The following BRD10 variants were observed in gnomAD, a reference collection of about 807,000 sequenced individuals.
BRD10 encodes the protein uncharacterized bromodomain-containing protein 10.
the BRD10 span, among the ~76,000 whole-genome samples, chr9:6,005,482 G>A: frequency 3.9e-5 from 6 of 152,208 alleles, no homozygotes; most frequent in Non-Finnish European, 7.3e-5. Context: ...TCCAGCCTGG[G>A]CTACAGAGGG....
the BRD10 span, among the ~76,000 whole-genome samples, chr9:5,957,099 T>C: frequency 7.2e-5 from 11 of 152,236 alleles, no homozygotes; most frequent in African/African-American, 2.6e-4. Context: ...CATGACCTAG[T>C]AGTGGTAGTA....
chr9:5,918,568 G>A, the BRD10 span, among the ~76,000 whole-genome samples: 1 of 151,512 alleles, frequency 6.6e-6, no homozygotes, highest in Non-Finnish European at 1.5e-5. Flanking sequence ...AAAAAATTAG[G>A]CATGGTGGCC....
chr9:5,993,086 C>A, the BRD10 span, among the ~76,000 whole-genome samples: 3 of 151,966 alleles, frequency 2.0e-5, no homozygotes, highest in Non-Finnish European at 2.9e-5. Context: ...GAGGCCAAGG[C>A]GGGTGGATCA....
the BRD10 span, among the ~76,000 whole-genome samples, chr9:5,960,196 A>G: frequency 7.2e-5 from 11 of 152,154 alleles, no homozygotes; most frequent in Admixed American, 2.0e-4. Flanking sequence ...TTCACCTATA[A>G]GAGAATAAGA....
chr9:5,968,348 T>C, the BRD10 span: 1 of 1,610,458 alleles, frequency 6.2e-7, no homozygotes, highest in Non-Finnish European at 8.5e-7. Flanking sequence ...TGGACTGGGT[T>C]CAATCTTTAT....
chr9:5,921,745 T>C, the BRD10 span: 7 of 1,613,998 alleles, frequency 4.3e-6, no homozygotes, highest in South Asian at 7.7e-5. Context: ...ATATGCTAAT[T>C]ACACTTACCG....
At chr9:5,955,791 T>C in the BRD10 span, among the ~76,000 whole-genome samples, 3 of 152,204 alleles carry the variant, frequency 2.0e-5, no homozygotes, top group East Asian at 1.9e-4. Flanking sequence ...CAGTACCTTA[T>C]AACAGAAGTA....
chr9:5,987,208 T>C, the BRD10 span, among the ~76,000 whole-genome samples: 2 of 152,224 alleles, frequency 1.3e-5, no homozygotes, highest in African/African-American at 4.8e-5. Context: ...ACTACTATTA[T>C]TACAACTACT....
At chr9:5,922,312 G>A in the BRD10 span, 2 of 1,613,980 alleles carry the variant, frequency 1.2e-6, no homozygotes, top group Non-Finnish European at 1.7e-6. Flanking sequence ...TGGAGGAAAT[G>A]GTCGGTGAAG....
the BRD10 span, chr9:5,919,543 A>AAAACACACAC: frequency 2.7e-6 from 1 of 368,788 alleles, no homozygotes; most frequent in Non-Finnish European, 4.7e-6. Context: ...GATACATTAA[A>AAAACACACAC]ACACACACAC....
chr9:6,002,978 C>T, the BRD10 span, among the ~76,000 whole-genome samples: 3 of 152,332 alleles, frequency 2.0e-5, no homozygotes, highest in South Asian at 4.1e-4. Flanking sequence ...AGCTGCCACA[C>T]TTGGCAAAGT....
At chr9:5,966,114 T>A in the BRD10 span, among the ~76,000 whole-genome samples, 1 of 152,232 alleles carries the variant, frequency 6.6e-6, no homozygotes, top group Non-Finnish European at 1.5e-5. Flanking sequence ...AAAATAAGTA[T>A]ACAAACAAGT....
the BRD10 span, among the ~76,000 whole-genome samples, chr9:5,983,859 G>C: frequency 6.6e-6 from 1 of 151,806 alleles, no homozygotes; most frequent in Non-Finnish European, 1.5e-5. Flanking sequence ...AGATAAGGAA[G>C]TCAGCAGGCT....
chr9:5,921,686 G>C, the BRD10 span: 2 of 1,613,874 alleles, frequency 1.2e-6, no homozygotes, highest in Non-Finnish European at 1.7e-6. Flanking sequence ...TTGCTGTTTA[G>C]TTGGAGTATG....
At chr9:5,972,081 C>A in the BRD10 span, among the ~76,000 whole-genome samples, 1 of 152,184 alleles carries the variant, frequency 6.6e-6, no homozygotes, top group African/African-American at 2.4e-5. Flanking sequence ...ACAACAAAAT[C>A]AAATCTCTAA....
At chr9:5,970,821 C>T in the BRD10 span, among the ~76,000 whole-genome samples, 3 of 152,092 alleles carry the variant, frequency 2.0e-5, no homozygotes, top group East Asian at 5.8e-4. Flanking sequence ...GAGGCTGAGG[C>T]GAGTGGATCA....
At chr9:5,950,931 GA>G in the BRD10 span, among the ~76,000 whole-genome samples, 7 of 151,086 alleles carry the variant, frequency 4.6e-5, no homozygotes, top group East Asian at 3.9e-4. Flanking sequence ...ATAATGACAA[GA>G]AAAAAAATCA....
chr9:5,970,573 T>C, the BRD10 span, among the ~76,000 whole-genome samples: 76 of 152,112 alleles, frequency 5.0e-4, 1 homozygote, highest in African/African-American at 1.7e-3. Context: ...AAGAGAAAAA[T>C]AGATAAACTG....
At chr9:6,001,057 T>A in the BRD10 span, among the ~76,000 whole-genome samples, 1 of 152,188 alleles carries the variant, frequency 6.6e-6, no homozygotes, top group Non-Finnish European at 1.5e-5. Flanking sequence ...CCCCTAAGCA[T>A]CACCACCAGC....
Sources: gnomAD v4.1 joint callset for allele counts (sites outside exome capture counted in the v4.1 genomes callset) on GRCh38, gnomAD v4.1.1 for gene constraint, MANE v1.5 for transcripts, NCBI Gene and HGNC (gene_info 2026-07-23, HGNC 2026-07-21) for gene names.